The following SLC13A1 variants were observed in gnomAD, a reference collection of about 807,000 sequenced individuals.
SLC13A1 encodes solute carrier family 13 member 1.
Under a neutral mutation model 70.0 loss-of-function variants are expected in SLC13A1, and 65 were observed. That is an observed-to-expected ratio of 0.93 (90% CI 0.76 to 1.14). The LOEUF (loss-of-function observed/expected upper bound fraction) is 1.14. Among genes scored for constraint, SLC13A1 ranks in the 50% most tolerant of loss-of-function variants. SLC13A1 has a pLI of 0.00. For missense variants in SLC13A1, 726 were observed against 717.8 expected (o/e 1.01, Z -0.13); for synonymous variants, 275 against 250.5 (o/e 1.10, Z -0.92).
chr7:123,141,088 A>G (rs1189964710), intron 7 of SLC13A1, among the ~76,000 whole-genome samples: 1 of 151,788 alleles, frequency 6.6e-6, no homozygotes, highest in East Asian at 1.9e-4. Context: ...GCTGTATTCC[A>G]TAGATTTTGA....
At chr7:123,186,030 T>G (rs1795785276) in intron 1 of SLC13A1, among the ~76,000 whole-genome samples, 1 of 152,020 alleles carries the variant, frequency 6.6e-6, no homozygotes, top group Non-Finnish European at 1.5e-5. Context: ...TGTGAAAGAA[T>G]GCAGGAAAGC....
chr7:123,120,238 T>C (rs540095509), intron 12 of SLC13A1, among the ~76,000 whole-genome samples: 20 of 152,220 alleles, frequency 1.3e-4, no homozygotes, highest in South Asian at 1.2e-3. Context: ...CTCTTTTGCA[T>C]TGGGGGAGCA....
intron 1 of SLC13A1, among the ~76,000 whole-genome samples, chr7:123,198,461 G>A (rs1796254762): frequency 6.6e-6 from 1 of 152,010 alleles, no homozygotes; most frequent in South Asian, 2.1e-4. Flanking sequence ...GGGGTGGGGA[G>A]TTTTTCCCTT....
chr7:123,125,636 AAG>A lies in SLC13A1; in HGVS notation c.1171_1172del (p.Leu391TyrfsTer11). The A allele has an allele frequency of 6.2e-7, 1 of 1,613,490 alleles. No homozygotes were observed. The highest frequency in any genetic ancestry group is 8.5e-7 in the Non-Finnish European group (1 of 1,179,690). Reference protein sequence around the residue: ...GFATDSTVALLIGLLFFLIPA... With the variant: ...GFATDSTVALXIGLLFFLIPA... ...GGATAAGAAAGAATAGCAGCCCTAT[AAG>A]TAAAGCAACAGTTGAATCTGTAGCA... is the stretch of plus-strand genomic sequence containing the variant. On this transcript the variant is annotated frameshift_variant, in exon 11 of 15. Coordinates refer to ENST00000194130, the MANE Select transcript of SLC13A1 (RefSeq NM_022444.4). LOFTEE classifies it high-confidence loss of function.
At chr7:123,174,615 G>A (rs1452423916) in intron 2 of SLC13A1, among the ~76,000 whole-genome samples, 4 of 151,974 alleles carry the variant, frequency 2.6e-5, no homozygotes. Context: ...CCATACCATT[G>A]TCATAGCCCC....
intron 2 of SLC13A1, among the ~76,000 whole-genome samples, chr7:123,174,087 G>T (rs748173253): frequency 2.0e-5 from 3 of 148,652 alleles, no homozygotes; most frequent in Non-Finnish European, 4.4e-5. Context: ...ACAGGGTTCT[G>T]TCCATAGTCT....
intron 8 of SLC13A1, among the ~76,000 whole-genome samples, chr7:123,129,827 T>TTATATATTTATATA (rs1273208621): frequency 6.6e-6 from 1 of 152,234 alleles, no homozygotes; most frequent in Non-Finnish European, 1.5e-5. Context: ...TAACATTTTA[T>TTATATATTTATATA]TACGTACTGG....
intron 9 of SLC13A1, 34 bp downstream of exon 9, chr7:123,129,346 GTGT>G (rs1793674810): frequency 2.1e-6 from 2 of 946,252 alleles, no homozygotes; most frequent in Non-Finnish European, 3.2e-6. Context: ...GTGTGTGTGT[GTGT>G]GTGTGTGTGT....
intron 2 of SLC13A1, among the ~76,000 whole-genome samples, chr7:123,179,066 G>A (rs1232406722): frequency 6.6e-6 from 1 of 152,074 alleles, no homozygotes; most frequent in Non-Finnish European, 1.5e-5. Context: ...TGATGGAGTT[G>A]GAAATGGCAG....
intron 2 of SLC13A1, 123 bp from the exon 3 acceptor site, chr7:123,172,027 G>T: frequency 1.2e-6 from 1 of 846,250 alleles, no homozygotes; most frequent in Non-Finnish European, 1.8e-6. Flanking sequence ...CCATTTTGTT[G>T]AGAAAAATGT....
At chr7:123,180,909 T>C in intron 2 of SLC13A1, 64 bp downstream of exon 2, 1 of 1,532,174 alleles carries the variant, frequency 6.5e-7, no homozygotes, top group South Asian at 1.2e-5. Flanking sequence ...AAAAATAACT[T>C]TTCTCAATGG....
chr7:123,142,738 C>T (rs1052868296), intron 7 of SLC13A1, among the ~76,000 whole-genome samples: 4 of 146,814 alleles, frequency 2.7e-5, no homozygotes, highest in Non-Finnish European at 5.9e-5. Flanking sequence ...CTGCCTCAGC[C>T]TCCTGAGTAG....
chr7:123,127,217 C>T (rs1793590225), intron 10 of SLC13A1, among the ~76,000 whole-genome samples: 1 of 152,066 alleles, frequency 6.6e-6, no homozygotes, highest in Non-Finnish European at 1.5e-5. Context: ...TCTCTCAAAC[C>T]TTTGTTCCTT....
intron 1 of SLC13A1, among the ~76,000 whole-genome samples, chr7:123,195,971 G>C (rs10487976): frequency 0.35 from 52,646 of 151,748 alleles, 9,638 homozygotes; most frequent in South Asian, 0.41. Flanking sequence ...TGGCCTTTTT[G>C]TTTCATGAAT....
intron 1 of SLC13A1, among the ~76,000 whole-genome samples, chr7:123,189,912 T>TAAA (rs1795941542): frequency 6.6e-6 from 1 of 152,206 alleles, no homozygotes; most frequent in East Asian, 1.9e-4. Context: ...ACAAATGCAT[T>TAAA]TGAGAGCTCA....
intron 2 of SLC13A1, among the ~76,000 whole-genome samples, chr7:123,179,296 C>T (rs1795558444): frequency 6.6e-6 from 1 of 151,986 alleles, no homozygotes; most frequent in Non-Finnish European, 1.5e-5. Context: ...TAAAATTATT[C>T]AAAAATAATA....
intron 11 of SLC13A1, 38 bp from the exon 12 acceptor site, chr7:123,123,273 A>C (rs750263367): frequency 8.2e-7 from 1 of 1,226,214 alleles, no homozygotes; most frequent in Non-Finnish European, 1.2e-6. Flanking sequence ...CATTGCTTAA[A>C]ATATTACAAT....
intron 4 of SLC13A1, 31 bp downstream of exon 4, chr7:123,169,117 A>T (rs1461042791): frequency 1.9e-6 from 3 of 1,604,152 alleles, no homozygotes; most frequent in East Asian, 4.5e-5. Context: ...TAATGACTAG[A>T]CCCCAGATTG....
Position 123,179,552 on chromosome 7 carries a change from A to G in SLC13A1, c.228+1421T>C, listed in dbSNP as rs17145498. ...TGCAAAACTGCCATTGGCACCTACA[A>G]TTTTGCTGCCTTTAGTCAGGCCCTT... On this transcript the variant is annotated intron_variant, in intron 2 of 14. Transcript: ENST00000194130. Among the ~76,000 whole-genome samples the G allele has an allele frequency of 8.3e-3, 1,267 of 152,150 alleles. 19 individuals carry two copies. Among genetic ancestry groups the G allele is most frequent in the African/African-American group, 0.028 (1,176 of 41,504 alleles).
Sources: allele counts gnomAD v4.1 joint callset (sites outside exome capture counted in the v4.1 genomes callset), GRCh38; gene constraint gnomAD v4.1.1; transcripts MANE v1.5; gene names NCBI Gene and HGNC (gene_info 2026-07-23, HGNC 2026-07-21).